Variants in TMEM212 observed in about 807,000 individuals in gnomAD.
TMEM212 encodes the protein transmembrane protein 212.
In TMEM212, 23 loss-of-function variants were observed where a neutral mutation model predicts 20.5. The observed-to-expected ratio is 1.12, with a 90% CI of 0.81 to 1.59. TMEM212 has a LOEUF of 1.59. Ranked by LOEUF, TMEM212 falls within the 40% of genes most tolerant of loss-of-function variation. The probability of loss-of-function intolerance (pLI) is 0.00; values close to 1 mark genes in which losing one functional copy is unlikely to be tolerated. For synonymous variants in TMEM212, 76 were observed against 81.6 expected (o/e 0.93, Z 0.37); for missense variants, 211 against 215.0 (o/e 0.98, Z 0.12).
intron 1 of TMEM212, among the ~76,000 whole-genome samples, chr3:171,845,173 A>G (rs1027420221): frequency 1.3e-5 from 2 of 152,208 alleles, no homozygotes; most frequent in South Asian, 2.1e-4. Flanking sequence ...ACACTTATTC[A>G]AGTGGCTTCC....
In TMEM212 at chr3:171,844,276, G is replaced by A. The variant is rs116358216; in HGVS notation, c.159+734G>A. Reference sequence around the variant, plus strand: ...CTTGGGAGTAACTGGCTTCCATGCTGGTATGATTTAAGAGAAGTTACAGAG... The same window carrying A: ...CTTGGGAGTAACTGGCTTCCATGCTAGTATGATTTAAGAGAAGTTACAGAG... On this transcript the variant is annotated intron_variant, in intron 1 of 4. Coordinates refer to ENST00000334567, the MANE Select transcript of TMEM212 (RefSeq NM_001164436.2). 9.4e-3 allele frequency among the ~76,000 whole-genome samples: 1,434 copies of A among 152,194 alleles called. 25 individuals carry two copies. The highest frequency in any genetic ancestry group is 0.032 in the African/African-American group (1,341 of 41,522).
In TMEM212 at chr3:171,858,287, T is replaced by C. The variant is rs973051450; in HGVS notation, c.*230T>C. 2 of 152,142 alleles carry C rather than the reference T, an allele frequency of 1.3e-5. No homozygotes were observed. The highest frequency in any genetic ancestry group is 4.8e-5 in the African/African-American group (2 of 41,366). The allele number at this position is 152,142 out of a possible 1,614,324, so 9.4% of individuals were successfully genotyped here. Reference sequence around the variant, plus strand: ...ACACCACACATATACAACCATCTGATCTTTGACAAACCTGACAAAAACAAG... The same window carrying C: ...ACACCACACATATACAACCATCTGACCTTTGACAAACCTGACAAAAACAAG... On this transcript the variant is annotated 3_prime_UTR_variant, in exon 5 of 5. Coordinates refer to ENST00000334567, the MANE Select transcript of TMEM212 (RefSeq NM_001164436.2).
intron 1 of TMEM212, among the ~76,000 whole-genome samples, chr3:171,848,502 T>C (rs1399900833): frequency 1.3e-5 from 2 of 151,380 alleles, no homozygotes; most frequent in Admixed American, 6.6e-5. Flanking sequence ...TGGGAATCTA[T>C]CCATTAGTGA....
intron 3 of TMEM212, 23 bp from the exon 4 acceptor site, chr3:171,856,640 G>GCTGT: frequency 1.5e-6 from 1 of 674,188 alleles, no homozygotes; most frequent in South Asian, 1.6e-5. Context: ...TATCAAATTT[G>GCTGT]CTGTCTCTCA....
intron 3 of TMEM212, 141 bp downstream of exon 3, chr3:171,853,991 T>C: frequency 1.5e-6 from 1 of 656,424 alleles, no homozygotes; most frequent in Non-Finnish European, 2.6e-6. Context: ...TGGCACATAA[T>C]AGGTACTGAA....
chr3:171,854,230 A>C (rs1211558332), intron 3 of TMEM212, among the ~76,000 whole-genome samples: 1 of 152,170 alleles, frequency 6.6e-6, no homozygotes, highest in African/African-American at 2.4e-5. Context: ...AGAAAGAAAG[A>C]AGCAAAATTG....
rs138812054 is a variant in TMEM212, at chr3:171,857,226, TA to T, written c.*3+529del. Among the ~76,000 whole-genome samples, 150 of 147,512 alleles carry T rather than the reference TA, an allele frequency of 1.0e-3. 2 individuals carry two copies. In the East Asian group the frequency reaches 0.019, roughly 19 times the overall value. ...CATGATAAAATAAAAATGGTTTACA[TA>T]AAAAAAAAACTCACACACATGGAAT... On this transcript the variant is annotated intron_variant, in intron 4 of 4. Transcript: ENST00000334567.
rs190611855 is a variant in TMEM212, at chr3:171,858,767, T to G, written c.*710T>G. On this transcript the variant is annotated 3_prime_UTR_variant, in exon 5 of 5. Coordinates refer to ENST00000334567, the MANE Select transcript of TMEM212 (RefSeq NM_001164436.2). ...CACATCAAAAAGTAGGCAAAGGACA[T>G]GGACACTTCTCAAAAGAAGACATTT... The G allele has an allele frequency of 6.6e-6, 1 of 152,196 alleles. No homozygotes were observed. The highest frequency in any genetic ancestry group is 1.5e-5 in the Non-Finnish European group (1 of 68,026). 9.4% of individuals were successfully genotyped at this position (152,196 alleles called of 1,614,324 possible).
At chr3:171,850,195 CG>C (rs1560326167) in intron 1 of TMEM212, among the ~76,000 whole-genome samples, 1 of 152,162 alleles carries the variant, frequency 6.6e-6, no homozygotes, top group African/African-American at 2.4e-5. Context: ...CCATGTCTGG[CG>C]GGGAGCACCA....
chr3:171,843,378 A>G lies in TMEM212; in HGVS notation c.-6A>G, dbSNP rs1236328227. ...TTGAGACCAAGGCCTCAAGCCACCA[A>G]GGAAAATGAAGGGCCTCTACCAGGC... On this transcript the variant is annotated 5_prime_UTR_variant, in exon 1 of 5. Coordinates refer to ENST00000334567, the MANE Select transcript of TMEM212 (RefSeq NM_001164436.2). 2.0e-6 allele frequency: 3 copies of G among 1,532,174 alleles called. No individual in the cohort carries two copies. The highest frequency in any genetic ancestry group is 2.0e-5 in the Admixed American group (1 of 50,286). 94.9% of individuals were successfully genotyped at this position (1,532,174 alleles called of 1,614,324 possible). A position where few individuals can be genotyped will look rare whatever the true frequency, so the allele number is the denominator to read the frequency against.
chr3:171,847,982 A>G (rs1035274558), intron 1 of TMEM212, among the ~76,000 whole-genome samples: 17 of 152,180 alleles, frequency 1.1e-4, no homozygotes, highest in African/African-American at 3.4e-4. Flanking sequence ...ATCTATGTCA[A>G]TGGTCCATTT....
chr3:171,843,634 A>C (rs1724764230), intron 1 of TMEM212, 92 bp downstream of exon 1: 1 of 1,153,490 alleles, frequency 8.7e-7, no homozygotes, highest in South Asian at 2.1e-5. Context: ...AAATTGTTCT[A>C]ACAATACAAA....
Position 171,852,494 on chromosome 3 carries a change from C to A in TMEM212, c.219+453C>A, listed in dbSNP as rs1578517943. Among the ~76,000 whole-genome samples the A allele has an allele frequency of 3.9e-5, 6 of 152,364 alleles. No individual in the cohort carries two copies. In the East Asian group the frequency reaches 1.2e-3, roughly 29 times the overall value. ...GGGATTACAGGCATTAGCTACTGCG[C>A]CCAGCCCTGAATAATTTTTATCTGA... On this transcript the variant is annotated intron_variant, in intron 2 of 4. Coordinates refer to ENST00000334567, the MANE Select transcript of TMEM212 (RefSeq NM_001164436.2).
intron 3 of TMEM212, 83 bp downstream of exon 3, chr3:171,853,933 T>C (rs528039823): frequency 1.9e-4 from 206 of 1,057,186 alleles, no homozygotes; most frequent in Non-Finnish European, 4.8e-5. Context: ...CAGTTGATCT[T>C]TCTCTGTTAT....
chr3:171,853,589 A>G lies in TMEM212; in HGVS notation c.282A>G (p.Ile94Met). 1 of 1,537,178 alleles carries G rather than the reference A, an allele frequency of 6.5e-7. No homozygotes were observed. The highest frequency in any genetic ancestry group is 8.7e-7 in the Non-Finnish European group (1 of 1,146,850). Residue 94 changes from isoleucine to methionine, a missense_variant, in exon 3 of 5, where the codon ATA becomes ATG. Transcript: ENST00000334567. Reference protein sequence around the residue: ...SIMGCPLHFAIALESALLGPY... With the variant: ...SIMGCPLHFAMALESALLGPY... ...TGGGATGTCCACTTCATTTTGCAAT[A>G]GCCTTGGAATCTGCTCTCCTGGGCC...
At chr3:171,850,470 G>T (rs1724949661) in intron 1 of TMEM212, among the ~76,000 whole-genome samples, 1 of 152,196 alleles carries the variant, frequency 6.6e-6, no homozygotes, top group African/African-American at 2.4e-5. Flanking sequence ...GATAATGTCA[G>T]CTATCTACTC....
chr3:171,847,463 A>G (rs1384061933), intron 1 of TMEM212, among the ~76,000 whole-genome samples: 1 of 152,358 alleles, frequency 6.6e-6, no homozygotes, highest in African/African-American at 2.4e-5. Flanking sequence ...CACGTCTGTT[A>G]CAGCTTCCAC....
chr3:171,853,308 C>T (rs917836498), intron 2 of TMEM212, among the ~76,000 whole-genome samples: 10 of 148,480 alleles, frequency 6.7e-5, no homozygotes, highest in African/African-American at 1.0e-4. Flanking sequence ...ACATGTATCC[C>T]GGTACTTAAA....
chr3:171,847,187 G>A (rs1406737235), intron 1 of TMEM212, among the ~76,000 whole-genome samples: 1 of 152,196 alleles, frequency 6.6e-6, no homozygotes, highest in South Asian at 2.1e-4. Flanking sequence ...ATACCATAAG[G>A]AATGAGTTCT....
Sources: gnomAD v4.1 joint callset for allele counts (sites outside exome capture counted in the v4.1 genomes callset) on GRCh38, gnomAD v4.1.1 for gene constraint, MANE v1.5 for transcripts, NCBI Gene and HGNC (gene_info 2026-07-23, HGNC 2026-07-21) for gene names.